NAV2: variants seen among roughly 807,000 people sequenced by gnomAD.
The protein encoded by NAV2 is neuron navigator 2, also known as helicase, APC down-regulated 1.
In NAV2, 54 loss-of-function variants were observed where a neutral mutation model predicts 223.2. That is an observed-to-expected ratio of 0.24 (90% CI 0.19 to 0.30). The LOEUF (loss-of-function observed/expected upper bound fraction) is 0.30, where lower values mean the gene tolerates loss of function less well. Ranked by LOEUF, NAV2 falls within the 10% of genes least tolerant of loss-of-function variation. NAV2 has a pLI of 1.00. For synonymous variants in NAV2, 1,279 were observed against 1,239.3 expected (o/e 1.03, Z -0.67); for missense variants, 2,806 against 3,147.5 (o/e 0.89, Z 2.60).
At chr11:19,899,543 G>A (rs747670173) in intron 6 of NAV2, among the ~76,000 whole-genome samples, 1 of 152,130 alleles carries the variant, frequency 6.6e-6, no homozygotes, top group African/African-American at 2.4e-5. Flanking sequence ...CATTTATAGA[G>A]CACTTACTAT....
At chr11:19,419,120 C>T (rs1850505377) in intron 1 of NAV2, among the ~76,000 whole-genome samples, 1 of 152,156 alleles carries the variant, frequency 6.6e-6, no homozygotes, top group Non-Finnish European at 1.5e-5. Flanking sequence ...CACTGGGGGG[C>T]TGGCACTGTG....
At chr11:19,722,471 G>A (rs1047749300) in intron 1 of NAV2, among the ~76,000 whole-genome samples, 1 of 152,126 alleles carries the variant, frequency 6.6e-6, no homozygotes, top group African/African-American at 2.4e-5. Context: ...ACCTCCTCCA[G>A]GAAGCCTTCT....
At chr11:19,651,985 G>A (rs2047981758) in intron 1 of NAV2, among the ~76,000 whole-genome samples, 1 of 152,186 alleles carries the variant, frequency 6.6e-6, no homozygotes, top group African/African-American at 2.4e-5. Context: ...GAACTTTGAG[G>A]ACGTTGAGTG....
chr11:19,643,060 G>T (rs1206794026), intron 1 of NAV2, among the ~76,000 whole-genome samples: 1 of 152,170 alleles, frequency 6.6e-6, no homozygotes, highest in Non-Finnish European at 1.5e-5. Flanking sequence ...CTGGTGTGGG[G>T]TTGGGTGTAT....
At chr11:20,033,116 T>G (rs2055949029) in intron 11 of NAV2, among the ~76,000 whole-genome samples, 1 of 152,258 alleles carries the variant, frequency 6.6e-6, no homozygotes, top group Admixed American at 6.5e-5. Flanking sequence ...ATTTGCTTTT[T>G]AAACCCAGTT....
intron 1 of NAV2, among the ~76,000 whole-genome samples, chr11:19,529,519 T>C (rs796477341): frequency 4.6e-5 from 7 of 152,132 alleles, no homozygotes; most frequent in African/African-American, 1.4e-4. Context: ...ACATGTCGCC[T>C]TTTTCTTTTT....
At chr11:20,027,869 C>T (rs1239140274) in intron 11 of NAV2, among the ~76,000 whole-genome samples, 1 of 152,226 alleles carries the variant, frequency 6.6e-6, no homozygotes, top group Non-Finnish European at 1.5e-5. Context: ...GAGTCTTTTG[C>T]TGAAAGCAAG....
intron 1 of NAV2, among the ~76,000 whole-genome samples, chr11:19,493,538 A>G (rs1457471996): frequency 1.3e-5 from 2 of 152,342 alleles, no homozygotes; most frequent in East Asian, 3.9e-4. Flanking sequence ...ATTATAAAAA[A>G]GCTCGGCATC....
At chr11:19,625,870 G>T (rs1038649314) in intron 1 of NAV2, among the ~76,000 whole-genome samples, 6 of 151,838 alleles carry the variant, frequency 4.0e-5, no homozygotes, top group Admixed American at 6.6e-5. Context: ...TGTCTGTCCA[G>T]ATCATTTGCC....
At chr11:19,347,608 C>T (rs1853076824), upstream of NAV2, among the ~76,000 whole-genome samples, 1 of 152,176 alleles carries the variant, frequency 6.6e-6, no homozygotes. Flanking sequence ...GCCCTCAATG[C>T]TCCCCACTCA....
In NAV2 at chr11:19,933,509, C is replaced by T. The variant is rs370452644; in HGVS notation, c.1265C>T (p.Ser422Phe). Residue 422 changes from serine (S) to phenylalanine (F), a missense_variant, in exon 7 of 38, where the codon TCC becomes TTC. Coordinates refer to ENST00000349880, the MANE Select transcript of NAV2 (RefSeq NM_145117.5). The surrounding 1 kb of genome is among the most constrained non-coding windows in gnomAD (Gnocchi z 4.3). The stretch of plus-strand genomic sequence containing the variant: ...TCAAAGGCAGGTGAGGGGCCGGGGT[C>T]CCGGGACACAAGCTGTGAGCGGCTG... ...GGSKAGEGPG[S>F]RDTSCERLET... The T allele has an allele frequency of 6.2e-7, 1 of 1,610,668 alleles. No individual in the cohort carries two copies. Among genetic ancestry groups the T allele is most frequent in the Non-Finnish European group, 8.5e-7 (1 of 1,178,596 alleles).
intron 1 of NAV2, among the ~76,000 whole-genome samples, chr11:19,797,914 G>C (rs750496499): frequency 6.6e-5 from 10 of 152,162 alleles, no homozygotes; most frequent in Non-Finnish European, 1.2e-4. Flanking sequence ...TGGAAATACT[G>C]TTCACCTTTC....
At chr11:20,080,015 A>T in intron 24 of NAV2, 49 bp from the exon 25 acceptor site, 1 of 1,602,022 alleles carries the variant, frequency 6.2e-7, no homozygotes, top group South Asian at 1.1e-5. Context: ...TGAGATAAAG[A>T]ATAGGGCTCA....
intron 22 of NAV2, among the ~76,000 whole-genome samples, chr11:20,069,551 G>A (rs557089656): frequency 1.9e-4 from 29 of 152,174 alleles, no homozygotes; most frequent in Non-Finnish European, 3.7e-4. Context: ...AGCCATGTCT[G>A]TATTGGAGCC....
intron 1 of NAV2, among the ~76,000 whole-genome samples, chr11:19,510,558 A>G (rs920678527): frequency 6.6e-6 from 1 of 152,204 alleles, no homozygotes; most frequent in African/African-American, 2.4e-5. Flanking sequence ...CAAATTGTAC[A>G]GGTGAGGAAA....
At chr11:19,968,412 G>A (rs961776419) in intron 10 of NAV2, among the ~76,000 whole-genome samples, 2 of 152,020 alleles carry the variant, frequency 1.3e-5, no homozygotes, top group Admixed American at 1.3e-4. Context: ...TAGAGACGGG[G>A]TTTCACCATG....
rs911560902 is a variant in NAV2 at position 19,998,247 on chromosome 11, C to A, written c.2768+14000C>A. 1.3e-5 allele frequency among the ~76,000 whole-genome samples: 2 copies of A among 152,060 alleles called. No homozygotes were observed. Among genetic ancestry groups the A allele is most frequent in the Non-Finnish European group, 2.9e-5 (2 of 68,004 alleles). The stretch of plus-strand genomic sequence containing the variant: ...CAAATCTCTCAGCTTCTCTCTGTCT[C>A]TGTGTTTCTCCCTGTCTCTCTGCTT... On this transcript the variant is annotated intron_variant, in intron 11 of 37. Transcript: ENST00000349880. The surrounding 1 kb of genome is among the most constrained non-coding windows in gnomAD (Gnocchi z 5.0).
chr11:19,874,400 T>C (rs1482857876), intron 4 of NAV2, among the ~76,000 whole-genome samples: 1 of 152,214 alleles, frequency 6.6e-6, no homozygotes, highest in African/African-American at 2.4e-5. Flanking sequence ...TAGTGTCTCC[T>C]CAGGCAAGTC....
At chr11:19,518,565 C>A (rs962745443) in intron 1 of NAV2, 1 of 152,252 alleles carries the variant, frequency 6.6e-6, no homozygotes, top group African/African-American at 2.4e-5. Flanking sequence ...GAACAAAGTA[C>A]CCTGCCTTTT....
Sources: gnomAD v4.1 joint callset for allele counts (sites outside exome capture counted in the v4.1 genomes callset) on GRCh38, gnomAD v4.1.1 for gene constraint, Gnocchi (gnomAD v3.1) non-coding constraint, MANE v1.5 for transcripts, NCBI Gene and HGNC (gene_info 2026-07-23, HGNC 2026-07-21) for gene names.